The following PRKN variants were observed in gnomAD, a reference collection of about 807,000 sequenced individuals.
PRKN encodes the protein parkin RBR E3 ubiquitin protein ligase.
A neutral mutation model predicts 59.5 loss-of-function variants in PRKN; 56 were observed. That is an observed-to-expected ratio of 0.94 (90% CI 0.76 to 1.18). PRKN has a LOEUF of 1.18. Among genes scored for constraint, PRKN ranks in the 50% most tolerant of loss-of-function variants. PRKN has a pLI of 0.00. For synonymous variants in PRKN, 250 were observed against 222.1 expected, an observed-to-expected ratio of 1.13 and a Z score of -1.12; for missense variants, 657 against 596.4, an observed-to-expected ratio of 1.10 and a Z score of -1.06.
intron 6 of PRKN, among the ~76,000 whole-genome samples, chr6:161,944,069 G>A (rs111680434): frequency 0.37 from 38,173 of 101,954 alleles, 8,305 homozygotes; most frequent in Middle Eastern, 0.53. Flanking sequence ...CAGCCTGAGG[G>A]ATCAGCCTGA....
chr6:162,024,072 G>C (rs955772096), intron 5 of PRKN, among the ~76,000 whole-genome samples: 4 of 151,666 alleles, frequency 2.6e-5, no homozygotes, highest in Non-Finnish European at 1.5e-5. Flanking sequence ...TGAATCTGTA[G>C]ATTGTTTTGG....
At chr6:161,733,789 T>TATATATATATATATATATAC (rs1562641725) in intron 7 of PRKN, among the ~76,000 whole-genome samples, 1 of 61,760 alleles carries the variant, frequency 1.6e-5, no homozygotes, top group African/African-American at 7.1e-5. Context: ...AAAAAATATA[T>TATATATATATATATATATAC]ATATATATGT....
intron 2 of PRKN, among the ~76,000 whole-genome samples, chr6:162,420,259 T>TG (rs72356769): frequency 1.2e-5 from 1 of 80,426 alleles, no homozygotes; most frequent in Non-Finnish European, 2.5e-5. Context: ...CATTTCACAA[T>TG]GGCGGGGAGG....
chr6:162,638,919 T>C (rs958155451), intron 1 of PRKN, among the ~76,000 whole-genome samples: 1 of 152,008 alleles, frequency 6.6e-6, no homozygotes, highest in African/African-American at 2.4e-5. Flanking sequence ...TAATTTTTTA[T>C]ATTTTTAGTA....
chr6:161,893,008 A>G (rs1249692898), intron 6 of PRKN, among the ~76,000 whole-genome samples: 1 of 152,028 alleles, frequency 6.6e-6, no homozygotes, highest in Admixed American at 6.5e-5. Flanking sequence ...ACGCCCGGCT[A>G]ATTTTTGTAT....
chr6:162,282,141 C>A (rs954054400), intron 2 of PRKN, among the ~76,000 whole-genome samples: 1 of 152,134 alleles, frequency 6.6e-6, no homozygotes, highest in Non-Finnish European at 1.5e-5. Context: ...GGGTTGGAGA[C>A]CCCTGGTATA....
At chr6:161,450,545 T>C (rs751984245) in intron 9 of PRKN, among the ~76,000 whole-genome samples, 1 of 151,844 alleles carries the variant, frequency 6.6e-6, no homozygotes, top group Non-Finnish European at 1.5e-5. Context: ...ATGATTTACT[T>C]AATGTTTTCT....
chr6:161,439,417 G>A (rs1562450415), intron 9 of PRKN, among the ~76,000 whole-genome samples: 2 of 152,202 alleles, frequency 1.3e-5, no homozygotes, highest in Non-Finnish European at 2.9e-5. Context: ...AGCTGTGGGA[G>A]ATGTAGAAAT....
intron 1 of PRKN, among the ~76,000 whole-genome samples, chr6:162,571,802 C>G (rs969539706): frequency 1.3e-5 from 2 of 152,072 alleles, no homozygotes; most frequent in Non-Finnish European, 2.9e-5. Context: ...ACAGGATAAA[C>G]AGCAAGAGAA....
chr6:161,409,723 T>G lies in PRKN; in HGVS notation c.1084-22846A>C, dbSNP rs1410793367. Among the ~76,000 whole-genome samples, 1 of 152,178 alleles carries G rather than the reference T, an allele frequency of 6.6e-6. No individual in the cohort carries two copies. The highest frequency in any genetic ancestry group is 1.5e-5 in the Non-Finnish European group (1 of 68,042). On this transcript the variant is annotated intron_variant, in intron 9 of 11. Coordinates refer to ENST00000366898, the MANE Select transcript of PRKN (RefSeq NM_004562.3). The surrounding 1 kb of genome is among the most constrained non-coding windows in gnomAD (Gnocchi z 4.6). ...AGGTCACGTGCTGCAAACCCAGTGT[T>G]CTTTCAGAGTCAGGTCGCTGTTAGA...
At chr6:161,404,876 T>C (rs1787192474) in intron 9 of PRKN, among the ~76,000 whole-genome samples, 1 of 152,200 alleles carries the variant, frequency 6.6e-6, no homozygotes, top group Non-Finnish European at 1.5e-5. Flanking sequence ...GGTAGCAACA[T>C]ACTTCTAAAA....
rs970608380 is a variant in PRKN at position 161,480,510 on chromosome 6, G to T, written c.1083+68344C>A. ...AGCAGACTCACAAAATGCCAGAAGC[G>T]AGAGTTTGATTCCATTGGTATTAAT... On this transcript the variant is annotated intron_variant, in intron 9 of 11. Transcript: ENST00000366898. This position sits in a 1 kb window ranked among gnomAD's most constrained non-coding sequence, Gnocchi z 4.1. Among the ~76,000 whole-genome samples, 1 of 152,188 alleles carries T rather than the reference G, an allele frequency of 6.6e-6. No homozygotes were observed.
chr6:162,422,977 A>G (rs1014993456), intron 2 of PRKN, among the ~76,000 whole-genome samples: 3 of 145,508 alleles, frequency 2.1e-5, no homozygotes, highest in Non-Finnish European at 4.5e-5. Flanking sequence ...AAAAAAAAAA[A>G]GCATCATAAG....
intron 5 of PRKN, among the ~76,000 whole-genome samples, chr6:161,998,730 A>C (rs1781935565): frequency 6.6e-6 from 1 of 152,174 alleles, no homozygotes; most frequent in Admixed American, 6.5e-5. Flanking sequence ...TGAGAGAATA[A>C]AAGATAGTGT....
intron 3 of PRKN, among the ~76,000 whole-genome samples, chr6:162,202,623 C>T (rs566937022): frequency 1.3e-5 from 2 of 152,208 alleles, no homozygotes; most frequent in Admixed American, 6.5e-5. Flanking sequence ...TATTCAAGTA[C>T]ATAAATATGA....
intron 4 of PRKN, among the ~76,000 whole-genome samples, chr6:162,088,846 A>C (rs956347938): frequency 7.9e-5 from 12 of 152,206 alleles, no homozygotes; most frequent in Non-Finnish European, 1.6e-4. Flanking sequence ...TAATCCCCTC[A>C]ATAAACGGCA....
chr6:162,293,560 T>C (rs114067512), intron 2 of PRKN, among the ~76,000 whole-genome samples: 2,043 of 152,192 alleles, frequency 0.013, 33 homozygotes, highest in African/African-American at 0.036. Flanking sequence ...AGCTGTCCCA[T>C]TGGGGGGCCC....
At chr6:161,940,772 G>C (rs550109714) in intron 6 of PRKN, among the ~76,000 whole-genome samples, 1 of 152,172 alleles carries the variant, frequency 6.6e-6, no homozygotes, top group Non-Finnish European at 1.5e-5. Flanking sequence ...AAGGGAAGAA[G>C]GTACATTCAG....
chr6:162,187,333 T>TTTG (rs1486388248), intron 4 of PRKN, among the ~76,000 whole-genome samples: 1 of 152,182 alleles, frequency 6.6e-6, no homozygotes, highest in Admixed American at 6.6e-5. Context: ...TAAAGTTTGC[T>TTTG]TTTCACACTT....
Sources: gnomAD v4.1 joint callset for allele counts (sites outside exome capture counted in the v4.1 genomes callset) on GRCh38, gnomAD v4.1.1 for gene constraint, Gnocchi (gnomAD v3.1) non-coding constraint, MANE v1.5 for transcripts, NCBI Gene and HGNC (gene_info 2026-07-23, HGNC 2026-07-21) for gene names.